Variants in EXT2 observed in about 807,000 individuals in gnomAD.
EXT2 encodes exostosin-2.
In EXT2, 53 loss-of-function variants were observed where a neutral mutation model predicts 81.6. The ratio of observed to expected loss-of-function variants is 0.65; its 90% CI spans 0.52 to 0.82. EXT2 has a LOEUF of 0.82. Among genes scored for constraint, EXT2 ranks in the 40% least tolerant of loss-of-function variants. EXT2 has a pLI of 0.00. For missense variants in EXT2, 774 were observed against 910.2 expected (o/e 0.85, Z 1.93); for synonymous variants, 320 against 340.0 (o/e 0.94, Z 0.65).
intron 8 of EXT2, among the ~76,000 whole-genome samples, chr11:44,179,411 A>G (rs773300484): frequency 6.6e-6 from 1 of 152,216 alleles, no homozygotes; most frequent in Non-Finnish European, 1.5e-5. Flanking sequence ...GCTTTCATGA[A>G]TCAAAACCTG....
intron 13 of EXT2, 97 bp downstream of exon 13, chr11:44,236,472 C>A: frequency 9.0e-7 from 1 of 1,115,556 alleles, no homozygotes; most frequent in Non-Finnish European, 1.3e-6. Flanking sequence ...ATAAGGACAG[C>A]AGCTGGTAGC....
intron 10 of EXT2, among the ~76,000 whole-genome samples, chr11:44,211,301 A>T (rs1955645323): frequency 6.6e-6 from 1 of 152,256 alleles, no homozygotes; most frequent in Admixed American, 6.5e-5. Flanking sequence ...AATTGAAATC[A>T]GTATATTGAA....
Position 44,130,039 on chromosome 11 carries a change from C to T in EXT2, c.1080-6C>T, listed in dbSNP as rs752180821. 74 of 1,612,610 alleles carry T rather than the reference C, an allele frequency of 4.6e-5. No homozygotes were observed. Among genetic ancestry groups the T allele is most frequent in the Non-Finnish European group, 6.3e-5 (74 of 1,178,738 alleles). ...TGTATGTAAACTGTTTTGCTGTTGTCTCCAGAGCATCTGTGGTTGTACCAG... is the reference window on the plus strand; with the variant it reads ...TGTATGTAAACTGTTTTGCTGTTGTTTCCAGAGCATCTGTGGTTGTACCAG... On this transcript the variant is annotated splice_polypyrimidine_tract_variant and splice_region_variant and intron_variant, in intron 6 of 13. Coordinates refer to ENST00000533608, the MANE Select transcript of EXT2 (RefSeq NM_207122.2).
rs1215598492 is a variant in EXT2, at chr11:44,246,616, C to G, written c.*2329C>G. ...TATGTTAAAGAAGGAGCATTATATC[C>G]TAGGCACTTGAAACAACCTCAAAGG... On this transcript the variant is annotated 3_prime_UTR_variant, in exon 14 of 14. Transcript: ENST00000533608. 6.6e-6 allele frequency among the ~76,000 whole-genome samples: 1 copy of G among 152,174 alleles called. No individual in the cohort carries two copies. The highest frequency in any genetic ancestry group is 2.4e-5 in the African/African-American group (1 of 41,446).
In EXT2 at chr11:44,105,813, A is replaced by G. The variant is rs554269516; in HGVS notation, c.-30-1870A>G. On this transcript the variant is annotated intron_variant, in intron 1 of 13. Coordinates refer to ENST00000533608, the MANE Select transcript of EXT2 (RefSeq NM_207122.2). ...GCTGAGGACTACAAATTTTCTTTAC[A>G]TCTCAGTCAATAATGCTTATTGGCT... Among the ~76,000 whole-genome samples the G allele has an allele frequency of 2.6e-5, 4 of 152,324 alleles. No homozygotes were observed. The South Asian group carries it at 8.3e-4, about 32-fold the overall frequency.
intron 7 of EXT2, among the ~76,000 whole-genome samples, chr11:44,131,104 G>A (rs147651182): frequency 6.6e-6 from 1 of 152,360 alleles, no homozygotes; most frequent in East Asian, 1.9e-4. Flanking sequence ...GGGCTCTGCA[G>A]TGTGACTCAG....
chr11:44,123,772 C>T (rs1954352939), intron 4 of EXT2, among the ~76,000 whole-genome samples: 1 of 152,342 alleles, frequency 6.6e-6, no homozygotes, highest in East Asian at 1.9e-4. Context: ...GTTCTGTACC[C>T]TCTCTGTCTT....
intron 6 of EXT2, among the ~76,000 whole-genome samples, chr11:44,127,691 T>C (rs1018104009): frequency 6.6e-6 from 1 of 152,228 alleles, no homozygotes; most frequent in African/African-American, 2.4e-5. Flanking sequence ...CAGAGTAGAC[T>C]CACCTGGAGA....
Position 44,171,647 on chromosome 11 carries a change from A to AAAG in EXT2, c.1211_1213dup (p.Lys404_Ala405insGlu). On this transcript the variant is annotated inframe_insertion, in exon 8 of 14. Coordinates refer to ENST00000533608, the MANE Select transcript of EXT2 (RefSeq NM_207122.2). The stretch of plus-strand genomic sequence containing the variant: ...CTGGGAAGCGTACTTCCAGTCAATT[A>AAAG]AAGCCATTGCCCTGGCCACCCTGCA... 1 of 1,614,182 alleles carries AAAG rather than the reference A, an allele frequency of 6.2e-7. No individual in the cohort carries two copies. Among genetic ancestry groups the AAAG allele is most frequent in the South Asian group, 1.1e-5 (1 of 91,086 alleles).
chr11:44,153,965 A>G lies in EXT2; in HGVS notation c.1174-17646A>G, dbSNP rs11822458. On this transcript the variant is annotated intron_variant, in intron 7 of 13. Coordinates refer to ENST00000533608, the MANE Select transcript of EXT2 (RefSeq NM_207122.2). ...TTTTGCTTCTATTTTCATGAGAGAT[A>G]TTGGTCTGTAGTTTTCTGTTTTTTT... Among the ~76,000 whole-genome samples, 1,319 of 150,814 alleles carry G rather than the reference A, an allele frequency of 8.7e-3. 25 individuals are homozygous for G. Among genetic ancestry groups the G allele is most frequent in the African/African-American group, 0.03 (1,229 of 41,106 alleles).
chr11:44,232,101 T>G (rs1156654724), intron 10 of EXT2, among the ~76,000 whole-genome samples: 1 of 152,164 alleles, frequency 6.6e-6, no homozygotes, highest in Non-Finnish European at 1.5e-5. Flanking sequence ...AGTAAGCTAT[T>G]ACCCCCACAT....
intron 8 of EXT2, among the ~76,000 whole-genome samples, chr11:44,181,125 T>C (rs1333701599): frequency 6.6e-6 from 1 of 152,156 alleles, no homozygotes; most frequent in Non-Finnish European, 1.5e-5. Flanking sequence ...TTTTTTATTC[T>C]GTTACACTTG....
intron 8 of EXT2, among the ~76,000 whole-genome samples, chr11:44,185,254 G>A (rs886642438): frequency 2.6e-5 from 4 of 152,288 alleles, no homozygotes; most frequent in Admixed American, 6.5e-5. Context: ...GGCCCTCTGC[G>A]GTGCCACAGT....
In EXT2 at chr11:44,232,358, G is replaced by C. The variant is rs1350266566; in HGVS notation, c.1668G>C (p.Trp556Cys). 1 of 1,613,910 alleles carries C rather than the reference G, an allele frequency of 6.2e-7. No individual in the cohort carries two copies. Among genetic ancestry groups the C allele is most frequent in the East Asian group, 2.2e-5 (1 of 44,870 alleles). ...SDELQFGYEV[W>C]REFPDRLVGY... The stretch of plus-strand genomic sequence containing the variant: ...TATTATGTGTCTGTCCTTAGGTCTG[G>C]CGGGAATTTCCTGACCGGTTGGTGG... Residue 556 changes from tryptophan (W) to cysteine (C), a missense_variant, in exon 11 of 14, where the codon TGG (tryptophan) becomes TGC (cysteine). Physicochemically the swap from Trp to Cys is radical, Grantham distance 215. Around this residue, in one of 2 missense-constraint regions of EXT2, gnomAD observed 148 missense variants for 239.7 expected, o/e 0.62. Transcript: ENST00000533608.
At chr11:44,096,134 T>G (rs1565191651) in intron 1 of EXT2, 1 of 961,128 alleles carries the variant, frequency 1.0e-6, no homozygotes, top group Non-Finnish European at 1.6e-6. Context: ...TAGCCAACCT[T>G]CGCCCCCAGT....
At chr11:44,146,822 G>A (rs1305799856) in intron 7 of EXT2, among the ~76,000 whole-genome samples, 1 of 152,120 alleles carries the variant, frequency 6.6e-6, no homozygotes, top group Non-Finnish European at 1.5e-5. Flanking sequence ...AATTCCAGAA[G>A]GGGAAGGTTG....
chr11:44,138,651 A>G (rs1954604281), intron 7 of EXT2, among the ~76,000 whole-genome samples: 1 of 152,034 alleles, frequency 6.6e-6, no homozygotes, highest in African/African-American at 2.4e-5. Flanking sequence ...TTGTTGCATA[A>G]AATGTATTTG....
At chr11:44,162,328 G>A (rs1381704808) in intron 7 of EXT2, among the ~76,000 whole-genome samples, 1 of 152,036 alleles carries the variant, frequency 6.6e-6, no homozygotes, top group Non-Finnish European at 1.5e-5. Flanking sequence ...GTAATCCCAG[G>A]ACTTTGGGGG....
chr11:44,244,160 TCAA>T lies in EXT2; in HGVS notation c.2034_2036del (p.Asn678del), dbSNP rs753223281. 4.8e-5 allele frequency: 77 copies of T among 1,613,960 alleles called. No homozygotes were observed. Among genetic ancestry groups the T allele is most frequent in the Non-Finnish European group, 6.3e-5 (74 of 1,179,974 alleles). On this transcript the variant is annotated inframe_deletion, in exon 14 of 14. Coordinates refer to ENST00000533608, the MANE Select transcript of EXT2 (RefSeq NM_207122.2). The stretch of plus-strand genomic sequence containing the variant: ...TCCAAATCCCACAGGTCAGAGTGCA[TCAA>T]CAAGTTTGCTTCAGTCTTCGGGACC...
Sources: allele counts gnomAD v4.1 joint callset (sites outside exome capture counted in the v4.1 genomes callset), GRCh38; gene constraint gnomAD v4.1.1; regional missense constraint gnomAD v4.1.1; transcripts MANE v1.5; gene names NCBI Gene and HGNC (gene_info 2026-07-23, HGNC 2026-07-21).